The following PRKN variants were observed in gnomAD, a reference collection of about 807,000 sequenced individuals.
PRKN encodes parkin RBR E3 ubiquitin protein ligase.
PRKN carries 56 observed loss-of-function variants against 59.5 expected under a neutral mutation model. That is an observed-to-expected ratio of 0.94 (90% confidence interval 0.76 to 1.18). The LOEUF (loss-of-function observed/expected upper bound fraction) is 1.18. Ranked by LOEUF, PRKN falls within the 50% of genes most tolerant of loss-of-function variation. The pLI, the probability that PRKN is intolerant of heterozygous loss-of-function variation, is 0.00. For missense variants in PRKN, 657 were observed against 596.4 expected, an observed-to-expected ratio of 1.10 and a Z score of -1.06; for synonymous variants, 250 against 222.1, an observed-to-expected ratio of 1.13 and a Z score of -1.12.
intron 8 of PRKN, among the ~76,000 whole-genome samples, chr6:161,558,562 CAA>C (rs150088657): frequency 1.3e-4 from 15 of 118,902 alleles, no homozygotes; most frequent in African/African-American, 1.2e-4. Context: ...GAGACTTTCT[CAA>C]AAAAAAAAAA....
Position 161,484,979 on chromosome 6 carries a change from G to A in PRKN, c.1083+63875C>T, listed in dbSNP as rs118176611. ...GCTTCTTTGAGGCAAAAATCAGGTC[G>A]GACTAGCATCAGTGGCAAAGGAACC... On this transcript the variant is annotated intron_variant, in intron 9 of 11. Transcript: ENST00000366898. The surrounding 1 kb of genome is among the most constrained non-coding windows in gnomAD (Gnocchi z 4.9). Among the ~76,000 whole-genome samples the A allele has an allele frequency of 4.6e-3, 696 of 152,250 alleles. 8 individuals are homozygous for A. The highest frequency in any genetic ancestry group is 0.026 in the East Asian group (133 of 5,174).
At chr6:161,962,130 C>A (rs1780404371) in intron 6 of PRKN, among the ~76,000 whole-genome samples, 1 of 152,176 alleles carries the variant, frequency 6.6e-6, no homozygotes, top group South Asian at 2.1e-4. Flanking sequence ...GCTCTACAGG[C>A]TTTGAAAGCT....
rs541632021 is a variant in PRKN at position 161,461,991 on chromosome 6, T to C, written c.1084-75114A>G. 6.6e-6 allele frequency among the ~76,000 whole-genome samples: 1 copy of C among 152,158 alleles called. No individual in the cohort carries two copies. Among genetic ancestry groups the C allele is most frequent in the East Asian group, 1.9e-4 (1 of 5,156 alleles). The stretch of plus-strand genomic sequence containing the variant: ...GGGCAGGTGGAAGACTAGCTTGCAA[T>C]GTGGGCTGTGAAGGATGGCAATGGT... On this transcript the variant is annotated intron_variant, in intron 9 of 11. Coordinates refer to ENST00000366898, the MANE Select transcript of PRKN (RefSeq NM_004562.3). The surrounding 1 kb of genome is among the most constrained non-coding windows in gnomAD (Gnocchi z 5.1).
intron 4 of PRKN, among the ~76,000 whole-genome samples, chr6:162,153,195 G>A (rs150400360): frequency 3.9e-5 from 6 of 152,362 alleles, no homozygotes; most frequent in Middle Eastern, 3.4e-3. Flanking sequence ...TCACAGGAGG[G>A]AGCGTGCAAG....
In PRKN at chr6:161,550,681, G is replaced by C. The variant is rs188947138; in HGVS notation, c.934-1678C>G. Among the ~76,000 whole-genome samples, 89 of 140,770 alleles carry C rather than the reference G, an allele frequency of 6.3e-4. 1 individual carries two copies. Among genetic ancestry groups the C allele is most frequent in the African/African-American group, 2.4e-3 (86 of 35,596 alleles). The allele number at this position is 140,770 out of a possible 152,430, so 92.4% of individuals were successfully genotyped here. On this transcript the variant is annotated intron_variant, in intron 8 of 11. Transcript: ENST00000366898. This position sits in a 1 kb window ranked among gnomAD's most constrained non-coding sequence, Gnocchi z 4.0. Reference sequence around the variant, plus strand: ...AGTTCCCCGTTTCCTGAGAAGACAGGAGGCGGGTAGGGGTGGGGACAACTG... The same window carrying C: ...AGTTCCCCGTTTCCTGAGAAGACAGCAGGCGGGTAGGGGTGGGGACAACTG...
At position 161,460,300 on chromosome 6, in the gene PRKN, C is replaced by A. The variant is rs558649701; in HGVS notation, c.1084-73423G>T. 1.3e-5 allele frequency among the ~76,000 whole-genome samples: 2 copies of A among 152,050 alleles called. No homozygotes were observed. The highest frequency in any genetic ancestry group is 4.8e-5 in the African/African-American group (2 of 41,396). ...TGTTTACAGAGGAGAGTGCCTTTGA[C>A]CAAGATCTTGAAAAGTGGGTTAGAT... On this transcript the variant is annotated intron_variant, in intron 9 of 11. Transcript: ENST00000366898. The surrounding 1 kb of genome is among the most constrained non-coding windows in gnomAD (Gnocchi z 5.0).
intron 6 of PRKN, among the ~76,000 whole-genome samples, chr6:161,949,989 T>G (rs1338571221): frequency 6.6e-6 from 1 of 152,178 alleles, no homozygotes; most frequent in Non-Finnish European, 1.5e-5. Context: ...GGTGGGAGAT[T>G]GGGAAACAGT....
At position 161,575,653 on chromosome 6, in the gene PRKN, G is replaced by A. The variant is rs1781103143; in HGVS notation, c.872-6237C>T. Reference sequence around the variant, plus strand: ...TTCAATGGAAAATCGTGAGCACCCAGGCTTGGGATAGAAATGGAAATGGAT... The same window carrying A: ...TTCAATGGAAAATCGTGAGCACCCAAGCTTGGGATAGAAATGGAAATGGAT... On this transcript the variant is annotated intron_variant, in intron 7 of 11. Transcript: ENST00000366898. The surrounding 1 kb of genome is among the most constrained non-coding windows in gnomAD (Gnocchi z 4.6). 6.6e-6 allele frequency among the ~76,000 whole-genome samples: 1 copy of A among 152,192 alleles called. No individual in the cohort carries two copies. Among genetic ancestry groups the A allele is most frequent in the Non-Finnish European group, 1.5e-5 (1 of 68,036 alleles).
intron 1 of PRKN, among the ~76,000 whole-genome samples, chr6:162,617,548 A>C (rs763606181): frequency 1.1e-4 from 17 of 149,448 alleles, no homozygotes; most frequent in Non-Finnish European, 2.1e-4. Flanking sequence ...TACATTATTA[A>C]CTATGATCAG....
chr6:161,980,932 T>C (rs910729533), intron 5 of PRKN, among the ~76,000 whole-genome samples: 93 of 152,200 alleles, frequency 6.1e-4, no homozygotes, highest in African/African-American at 2.2e-3. Flanking sequence ...ATTCAGATAT[T>C]GTTGTGAAAT....
At chr6:161,755,618 T>C (rs1788884576) in intron 7 of PRKN, among the ~76,000 whole-genome samples, 1 of 152,060 alleles carries the variant, frequency 6.6e-6, no homozygotes, top group Non-Finnish European at 1.5e-5. Context: ...ATGATGATGA[T>C]AATGATGAAA....
At chr6:162,478,804 A>G (rs1792154277) in intron 1 of PRKN, among the ~76,000 whole-genome samples, 1 of 152,212 alleles carries the variant, frequency 6.6e-6, no homozygotes, top group African/African-American at 2.4e-5. Flanking sequence ...TAACACAACA[A>G]GAAACATTTG....
chr6:162,045,697 G>A (rs550683420), intron 5 of PRKN, among the ~76,000 whole-genome samples: 2 of 152,292 alleles, frequency 1.3e-5, no homozygotes, highest in Admixed American at 6.5e-5. Context: ...CTTAATGACC[G>A]CCATCAAGGC....
chr6:162,663,525 G>C (rs1377088775), intron 1 of PRKN, among the ~76,000 whole-genome samples: 1 of 152,106 alleles, frequency 6.6e-6, no homozygotes, highest in African/African-American at 2.4e-5. Flanking sequence ...ACAAAACGAA[G>C]AGCATTTTAA....
chr6:162,305,788 AC>A (rs1172422333), intron 2 of PRKN, among the ~76,000 whole-genome samples: 1 of 152,118 alleles, frequency 6.6e-6, no homozygotes, highest in African/African-American at 2.4e-5. Context: ...TGATTTTGGA[AC>A]TATTTGTAAG....
chr6:161,577,163 C>T (rs1397319828), intron 7 of PRKN, among the ~76,000 whole-genome samples: 2 of 152,200 alleles, frequency 1.3e-5, no homozygotes, highest in African/African-American at 4.8e-5. Flanking sequence ...GAACAAAACA[C>T]TCTTCACAGT....
intron 2 of PRKN, among the ~76,000 whole-genome samples, chr6:162,291,781 G>A (rs1002065838): frequency 6.6e-6 from 1 of 152,002 alleles, no homozygotes; most frequent in East Asian, 1.9e-4. Flanking sequence ...AATCTCCAAA[G>A]ACGTTTTCTC....
intron 2 of PRKN, among the ~76,000 whole-genome samples, chr6:162,395,652 A>G (rs947629105): frequency 3.3e-5 from 5 of 152,158 alleles, no homozygotes; most frequent in African/African-American, 1.2e-4. Context: ...AGCCATAGAC[A>G]CTGATACAAA....
At chr6:162,288,597 T>C (rs562948493) in intron 2 of PRKN, among the ~76,000 whole-genome samples, 132 of 152,212 alleles carry the variant, frequency 8.7e-4, no homozygotes, top group Non-Finnish European at 1.5e-3. Flanking sequence ...TCGTAAGTTC[T>C]ACAGCTGCAA....
Sources: allele counts gnomAD v4.1 joint callset (sites outside exome capture counted in the v4.1 genomes callset), GRCh38; gene constraint gnomAD v4.1.1; non-coding constraint Gnocchi (gnomAD v3.1); transcripts MANE v1.5; gene names NCBI Gene and HGNC (gene_info 2026-07-23, HGNC 2026-07-21).